Variants in NRXN3 observed in about 807,000 individuals in gnomAD.
The protein encoded by NRXN3 is neurexin III.
Under a neutral mutation model 137.6 loss-of-function variants are expected in NRXN3, and 32 were observed. The observed-to-expected ratio is 0.23, with a 90% CI of 0.18 to 0.31. The LOEUF (loss-of-function observed/expected upper bound fraction) is 0.31, where lower values mean the gene tolerates loss of function less well. NRXN3 is among the 10% of genes least tolerant of loss of function. The pLI is 1.00. For missense variants in NRXN3, 1,574 were observed against 2,062.5 expected, an observed-to-expected ratio of 0.76 and a Z score of 4.59; for synonymous variants, 798 against 784.5, an observed-to-expected ratio of 1.02 and a Z score of -0.29.
chr14:78,988,204 A>G (rs1198702245), intron 15 of NRXN3, 63 bp downstream of exon 15: 1 of 1,584,500 alleles, frequency 6.3e-7, no homozygotes, highest in South Asian at 1.1e-5. Context: ...GGAGAATCTT[A>G]AAGGACAATA....
At chr14:79,507,939 A>T (rs1289401971) in intron 16 of NRXN3, among the ~76,000 whole-genome samples, 1 of 152,128 alleles carries the variant, frequency 6.6e-6, no homozygotes, top group Admixed American at 6.5e-5. Flanking sequence ...ATTCACCTTG[A>T]TTCTACATCA....
chr14:79,660,741 A>T (rs1042798962), intron 16 of NRXN3, among the ~76,000 whole-genome samples: 6 of 152,166 alleles, frequency 3.9e-5, no homozygotes, highest in African/African-American at 1.4e-4. Flanking sequence ...TTAGGGGTGA[A>T]TTGAATCACC....
chr14:78,425,596 A>G (rs533327187), intron 4 of NRXN3, among the ~76,000 whole-genome samples: 2 of 151,858 alleles, frequency 1.3e-5, no homozygotes, highest in South Asian at 4.2e-4. Context: ...ATTCCTTCAG[A>G]CTCTTCTTAC....
In NRXN3 at chr14:79,638,291, AG is replaced by A. The variant is rs112710624; in HGVS notation, c.3445-25486del. 2.0e-3 allele frequency among the ~76,000 whole-genome samples: 310 copies of A among 152,302 alleles called. 3 individuals are homozygous for A. The highest frequency in any genetic ancestry group is 7.1e-3 in the African/African-American group (295 of 41,568). ...CCTTGATAATGTGGTCTTTTAAAAG[AG>A]TAAAATTTGAACTAGGATTTATGAA... On this transcript the variant is annotated intron_variant, in intron 16 of 20. Transcript: ENST00000335750.
chr14:78,668,072 C>T (rs2097903361), intron 6 of NRXN3, among the ~76,000 whole-genome samples: 1 of 152,202 alleles, frequency 6.6e-6, no homozygotes. Flanking sequence ...AGGCGTGAGC[C>T]ACCGCGCCTG....
At chr14:79,618,013 C>T (rs1237390749) in intron 16 of NRXN3, among the ~76,000 whole-genome samples, 1 of 148,952 alleles carries the variant, frequency 6.7e-6, no homozygotes, top group Non-Finnish European at 1.5e-5. Flanking sequence ...TTACTTCTTT[C>T]TTCTACTGAT....
chr14:78,968,142 A>C (rs759054958), intron 13 of NRXN3, 31 bp from the exon 14 acceptor site: 2 of 1,422,712 alleles, frequency 1.4e-6, no homozygotes, highest in Non-Finnish European at 1.9e-6. Context: ...TCCTTTACTC[A>C]TTCTCTTTTG....
intron 15 of NRXN3, among the ~76,000 whole-genome samples, chr14:79,375,073 T>TA (rs2094222987): frequency 6.6e-6 from 1 of 152,118 alleles, no homozygotes; most frequent in African/African-American, 2.4e-5. Flanking sequence ...TGCTCCTGAT[T>TA]AAAAAATGGA....
intron 8 of NRXN3, among the ~76,000 whole-genome samples, chr14:78,721,524 G>A (rs17108126): frequency 0.059 from 8,984 of 152,160 alleles, 398 homozygotes; most frequent in African/African-American, 0.13. Context: ...AGCAATGTGA[G>A]TCCTTGTTCC....
At chr14:79,372,950 A>G (rs2094154716) in intron 15 of NRXN3, among the ~76,000 whole-genome samples, 1 of 152,110 alleles carries the variant, frequency 6.6e-6, no homozygotes, top group Non-Finnish European at 1.5e-5. Flanking sequence ...ATACCCATTA[A>G]GATATCACCC....
intron 16 of NRXN3, among the ~76,000 whole-genome samples, chr14:79,638,221 T>A (rs1488163614): frequency 6.6e-6 from 1 of 152,176 alleles, no homozygotes. Context: ...TTATTAGACT[T>A]GTATGTAAAT....
At chr14:78,373,081 C>T (rs964377652) in intron 4 of NRXN3, among the ~76,000 whole-genome samples, 1 of 152,188 alleles carries the variant, frequency 6.6e-6, no homozygotes. Flanking sequence ...TATGCAGGCT[C>T]AAGGCTCAGA....
intron 4 of NRXN3, among the ~76,000 whole-genome samples, chr14:78,608,189 C>G (rs888989728): frequency 5.3e-5 from 8 of 152,174 alleles, no homozygotes; most frequent in African/African-American, 1.9e-4. Flanking sequence ...ATAGGAGTCA[C>G]TTGCTGTCCA....
At chr14:79,380,957 A>G (rs1020520350) in intron 15 of NRXN3, among the ~76,000 whole-genome samples, 2 of 151,922 alleles carry the variant, frequency 1.3e-5, no homozygotes, top group Non-Finnish European at 2.9e-5. Flanking sequence ...GTGTGGGGAG[A>G]AGGGGATAAT....
chr14:78,224,750 CTTTTTTTTTTTTTTT>C (rs35800837), intron 1 of NRXN3, among the ~76,000 whole-genome samples: 4 of 64,844 alleles, frequency 6.2e-5, no homozygotes, highest in Admixed American at 2.8e-4. Context: ...GTGCATGTGT[CTTTTTTTTTTTTTTT>C]TTTTTTTTTT....
At chr14:78,461,189 GC>G (rs1476206533) in intron 4 of NRXN3, among the ~76,000 whole-genome samples, 1 of 152,196 alleles carries the variant, frequency 6.6e-6, no homozygotes, top group Admixed American at 6.5e-5. Flanking sequence ...GCATGTGTTC[GC>G]ATGCAACTGT....
intron 15 of NRXN3, among the ~76,000 whole-genome samples, chr14:79,089,767 T>C (rs372005889): frequency 4.6e-5 from 7 of 152,106 alleles, no homozygotes; most frequent in African/African-American, 1.7e-4. Flanking sequence ...CCAAGATCTT[T>C]CTTCTTCTGC....
In NRXN3 at chr14:79,560,419, C is replaced by T. The variant is rs201090216; in HGVS notation, c.3444+93017C>T. Among the ~76,000 whole-genome samples the T allele has an allele frequency of 1.4e-4, 21 of 149,358 alleles. No homozygotes were observed. The East Asian group carries it at 3.2e-3, about 23-fold the overall frequency. On this transcript the variant is annotated intron_variant, in intron 16 of 20. Transcript: ENST00000335750. ...GAGAGGACCCCTAGGTAAGACAGCACTGGGGGTGGGAGGAGCATTTCTGGA... is the reference window on the plus strand; with the variant it reads ...GAGAGGACCCCTAGGTAAGACAGCATTGGGGGTGGGAGGAGCATTTCTGGA...
At chr14:79,396,080 C>T (rs2095016872) in intron 15 of NRXN3, among the ~76,000 whole-genome samples, 2 of 152,100 alleles carry the variant, frequency 1.3e-5, no homozygotes, top group South Asian at 4.1e-4. Flanking sequence ...TACATGCTGG[C>T]ATGTTTTATG....
Sources: allele counts gnomAD v4.1 joint callset (sites outside exome capture counted in the v4.1 genomes callset), GRCh38; gene constraint gnomAD v4.1.1; transcripts MANE v1.5; gene names NCBI Gene and HGNC (gene_info 2026-07-23, HGNC 2026-07-21).